Variants in RAB19 observed in about 807,000 individuals in gnomAD.
RAB19 encodes ras-related protein Rab-19.
A neutral mutation model predicts 17.3 loss-of-function variants in RAB19; 21 were observed. That is an observed-to-expected ratio of 1.21 (90% CI 0.86 to 1.74). The LOEUF (loss-of-function observed/expected upper bound fraction) is 1.74, where lower values mean the gene tolerates loss of function less well. Among genes scored for constraint, RAB19 ranks in the 40% most tolerant of loss-of-function variants. The probability of loss-of-function intolerance (pLI) is 0.00; values close to 1 mark genes in which losing one functional copy is unlikely to be tolerated. For missense variants in RAB19, 277 were observed against 286.8 expected (o/e 0.97, Z 0.25); for synonymous variants, 126 against 110.4 (o/e 1.14, Z -0.88).
chr7:140,416,683 C>A (rs1799463714), intron 3 of RAB19, among the ~76,000 whole-genome samples: 2 of 152,206 alleles, frequency 1.3e-5, no homozygotes, highest in African/African-American at 4.8e-5. Context: ...TTCCTCCAGG[C>A]ACCTGGCTCA....
At chr7:140,407,915 CG>C in intron 2 of RAB19, 68 bp downstream of exon 2, 1 of 1,103,724 alleles carries the variant, frequency 9.1e-7, no homozygotes, top group Non-Finnish European at 1.2e-6. Flanking sequence ...TTCCTTGAGA[CG>C]GAGTCTCGCG....
chr7:140,408,774 C>G (rs941864930), intron 2 of RAB19, among the ~76,000 whole-genome samples: 2 of 152,070 alleles, frequency 1.3e-5, no homozygotes, highest in Non-Finnish European at 2.9e-5. Context: ...CCACACCCAG[C>G]CTGAGACAGG....
intron 3 of RAB19, among the ~76,000 whole-genome samples, chr7:140,415,280 G>A (rs940175789): frequency 2.6e-5 from 4 of 151,922 alleles, no homozygotes; most frequent in Non-Finnish European, 4.4e-5. Flanking sequence ...TCACCATGTT[G>A]GCCAGACTGG....
intron 3 of RAB19, among the ~76,000 whole-genome samples, chr7:140,413,784 A>G (rs1364518780): frequency 2.0e-5 from 3 of 152,172 alleles, no homozygotes; most frequent in Non-Finnish European, 4.4e-5. Flanking sequence ...CATGGCATAC[A>G]AACGGCCGGG....
rs1799683936 is a variant in RAB19 at position 140,426,986 on chromosome 7, C to A, written c.*836C>A. ...TCTCCCAAGTGGCTGGGACTACAGA[C>A]ACACGCCACCACTCCTGGCTAATTT... On this transcript the variant is annotated 3_prime_UTR_variant, in exon 4 of 4. Transcript: ENST00000537763. 6.6e-6 allele frequency among the ~76,000 whole-genome samples: 1 copy of A among 151,194 alleles called. No individual in the cohort carries two copies. Among genetic ancestry groups the A allele is most frequent in the African/African-American group, 2.4e-5 (1 of 41,102 alleles).
intron 3 of RAB19, among the ~76,000 whole-genome samples, chr7:140,421,189 C>A (rs1563074414): frequency 2.0e-5 from 3 of 151,824 alleles, no homozygotes. Context: ...CCACGCCTGG[C>A]CTTTTATGTT....
At chr7:140,407,941 T>C (rs1212948702) in intron 2 of RAB19, 94 bp downstream of exon 2, 26 of 978,116 alleles carry the variant, frequency 2.7e-5, no homozygotes, top group Non-Finnish European at 2.2e-5. Flanking sequence ...CTCGGCTCAC[T>C]GCAAGCTCCG....
At chr7:140,407,054 T>G (rs1189068356) in intron 1 of RAB19, among the ~76,000 whole-genome samples, 2 of 152,134 alleles carry the variant, frequency 1.3e-5, no homozygotes, top group Admixed American at 6.6e-5. Context: ...CCCAGCTAAC[T>G]TTGTATTTTT....
chr7:140,404,852 A>G (rs1243262934), intron 1 of RAB19, among the ~76,000 whole-genome samples: 1 of 152,196 alleles, frequency 6.6e-6, no homozygotes, highest in African/African-American at 2.4e-5. Flanking sequence ...TGCTGCTTCA[A>G]ATATCTGATG....
At chr7:140,425,252 C>T (rs1189100569) in intron 3 of RAB19, among the ~76,000 whole-genome samples, 9 of 152,060 alleles carry the variant, frequency 5.9e-5, no homozygotes, top group Non-Finnish European at 1.2e-4. Context: ...CACCACTGCA[C>T]TCCAGCCTGG....
chr7:140,421,862 T>C lies in RAB19; in HGVS notation c.386-4020T>C, dbSNP rs188731237. ...CTCTTAATTTTAATATATTTCAATC[T>C]ATTGATCTTTTCTTTAATAATGATT... On this transcript the variant is annotated intron_variant, in intron 3 of 3. Transcript: ENST00000537763. 1.9e-3 allele frequency among the ~76,000 whole-genome samples: 295 copies of C among 152,336 alleles called. 1 individual carries two copies. In the East Asian group the frequency reaches 0.032, roughly 17 times the overall value.
chr7:140,418,538 T>C (rs956341907), intron 3 of RAB19, among the ~76,000 whole-genome samples: 3 of 149,712 alleles, frequency 2.0e-5, no homozygotes. Context: ...ATTGCGCCAC[T>C]GCACTCCAGC....
At chr7:140,405,176 G>A (rs892910691) in intron 1 of RAB19, among the ~76,000 whole-genome samples, 5 of 151,458 alleles carry the variant, frequency 3.3e-5, no homozygotes, top group African/African-American at 1.2e-4. Context: ...GGAGGGGAGG[G>A]GAGGGAAGAG....
At position 140,410,410 on chromosome 7, in the gene RAB19, T is replaced by G. The variant is rs536291290; in HGVS notation, c.202-1464T>G. Among the ~76,000 whole-genome samples, 45 of 131,140 alleles carry G rather than the reference T, an allele frequency of 3.4e-4. No homozygotes were observed. In the East Asian group the frequency reaches 8.7e-3, roughly 25 times the overall value. 86.0% of individuals were successfully genotyped at this position (131,140 alleles called of 152,430 possible). A position where few individuals can be genotyped will look rare whatever the true frequency, so the allele number is the denominator to read the frequency against. Reference sequence around the variant, plus strand: ...GGCGCAATCTCGGCTCACTGTAAGCTCCGCTTCCCGGGTTCACGCCATTCT... The same window carrying G: ...GGCGCAATCTCGGCTCACTGTAAGCGCCGCTTCCCGGGTTCACGCCATTCT... On this transcript the variant is annotated intron_variant, in intron 2 of 3. Coordinates refer to ENST00000537763, the MANE Select transcript of RAB19 (RefSeq NM_001008749.3).
intron 2 of RAB19, among the ~76,000 whole-genome samples, chr7:140,410,471 C>T (rs1457821074): frequency 3.3e-5 from 5 of 151,882 alleles, no homozygotes; most frequent in African/African-American, 4.8e-5. Context: ...GGACTACAGG[C>T]GCCCGCCACG....
rs58130610 is a variant in RAB19 at position 140,419,666 on chromosome 7, C to T, written c.386-6216C>T. On this transcript the variant is annotated intron_variant, in intron 3 of 3. Coordinates refer to ENST00000537763, the MANE Select transcript of RAB19 (RefSeq NM_001008749.3). ...GGGCACACATCTCTGTTGAGTAATA[C>T]CCAGGAGCAAAATTGCATGGTCATG... Among the ~76,000 whole-genome samples, 1,238 of 152,220 alleles carry T rather than the reference C, an allele frequency of 8.1e-3. 15 individuals are homozygous for T. Among genetic ancestry groups the T allele is most frequent in the African/African-American group, 0.029 (1,190 of 41,542 alleles).
intron 2 of RAB19, among the ~76,000 whole-genome samples, chr7:140,410,109 A>C (rs1162701182): frequency 3.3e-5 from 5 of 151,636 alleles, no homozygotes; most frequent in African/African-American, 1.2e-4. Flanking sequence ...TAATTATTGA[A>C]TCTGGGTGAT....
chr7:140,411,727 G>C lies in RAB19; in HGVS notation c.202-147G>C, dbSNP rs143536581. On this transcript the variant is annotated intron_variant, in intron 2 of 3. Coordinates refer to ENST00000537763, the MANE Select transcript of RAB19 (RefSeq NM_001008749.3). ...CATCCAGGGAGCAACTGAAAGAATA[G>C]ATCCCTGGGTCCCACCCCAGATCTA... The C allele has an allele frequency of 3.0e-5, 45 of 1,509,328 alleles. 1 individual carries two copies. In the East Asian group the frequency reaches 1.0e-3, roughly 35 times the overall value. The allele number at this position is 1,509,328 out of a possible 1,614,324, so 93.5% of individuals were successfully genotyped here.
intron 3 of RAB19, among the ~76,000 whole-genome samples, chr7:140,418,642 T>G (rs1799504945): frequency 6.6e-6 from 1 of 150,868 alleles, no homozygotes; most frequent in African/African-American, 2.4e-5. Context: ...CAACAGGGAT[T>G]TGGGAGGCAG....
Sources: gnomAD v4.1 joint callset for allele counts (sites outside exome capture counted in the v4.1 genomes callset) on GRCh38, gnomAD v4.1.1 for gene constraint, MANE v1.5 for transcripts, NCBI Gene and HGNC (gene_info 2026-07-23, HGNC 2026-07-21) for gene names.